The following ARMC9 variants were observed in gnomAD, a reference collection of about 807,000 sequenced individuals.
ARMC9 encodes lisH domain-containing protein ARMC9.
In ARMC9, 94 loss-of-function variants were observed where a neutral mutation model predicts 107.0. The observed-to-expected ratio is 0.88, with a 90% CI of 0.74 to 1.04. ARMC9 has a LOEUF of 1.04. Ranked by LOEUF, ARMC9 falls within the 50% of genes least tolerant of loss-of-function variation. The pLI, the probability that ARMC9 is intolerant of heterozygous loss-of-function variation, is 0.00. For synonymous variants in ARMC9, 380 were observed against 396.9 expected (o/e 0.96, Z 0.51); for missense variants, 942 against 1,030.1 (o/e 0.91, Z 1.17).
intron 19 of ARMC9, among the ~76,000 whole-genome samples, chr2:231,303,412 G>T (rs983989197): frequency 6.6e-6 from 1 of 152,168 alleles, no homozygotes; most frequent in Non-Finnish European, 1.5e-5. Flanking sequence ...AGTGGAGAGA[G>T]CAGGCATCTT....
At chr2:231,266,056 C>T (rs2038836181) in intron 12 of ARMC9, among the ~76,000 whole-genome samples, 1 of 151,812 alleles carries the variant, frequency 6.6e-6, no homozygotes, top group Non-Finnish European at 1.5e-5. Context: ...AGAGAATCTG[C>T]AGGGCAGAAA....
chr2:231,251,347 A>G lies in ARMC9; in HGVS notation c.880-5239A>G, dbSNP rs1574801451. Among the ~76,000 whole-genome samples, 8 of 151,510 alleles carry G rather than the reference A, an allele frequency of 5.3e-5. 3 individuals are homozygous for G. Among genetic ancestry groups the G allele is most frequent in the Admixed American group, 5.2e-4 (8 of 15,254 alleles). ...ACACCTGGCTAATTTTTGTATTTTT[A>G]GTAGAGATGGGGTTTCACCATATTC... is the stretch of plus-strand genomic sequence containing the variant. On this transcript the variant is annotated intron_variant, in intron 9 of 24. Transcript: ENST00000611582.
At chr2:231,231,415 G>A (rs2035202679) in intron 7 of ARMC9, among the ~76,000 whole-genome samples, 1 of 152,088 alleles carries the variant, frequency 6.6e-6, no homozygotes, top group African/African-American at 2.4e-5. Context: ...TTTTGAGACA[G>A]CGCTGTTGCC....
chr2:231,271,200 T>C, intron 13 of ARMC9, 128 bp downstream of exon 13: 1 of 846,244 alleles, frequency 1.2e-6, no homozygotes. Context: ...GTTTAATTCA[T>C]CTAAGGTCTT....
Position 231,297,438 on chromosome 2 carries a change from A to G in ARMC9, c.1773+1185A>G, listed in dbSNP as rs2041450213. Reference sequence around the variant, plus strand: ...TCGGCAGACACTTTGTGTAAAGGAAAAGATAGGAACTATTTTAGGGCTTGC... The same window carrying G: ...TCGGCAGACACTTTGTGTAAAGGAAGAGATAGGAACTATTTTAGGGCTTGC... On this transcript the variant is annotated intron_variant, in intron 19 of 24. Coordinates refer to ENST00000611582, the MANE Select transcript of ARMC9 (RefSeq NM_001352754.2). This position sits in a 1 kb window ranked among gnomAD's most constrained non-coding sequence, Gnocchi z 4.2. 6.6e-6 allele frequency among the ~76,000 whole-genome samples: 1 copy of G among 152,196 alleles called. No homozygotes were observed. The highest frequency in any genetic ancestry group is 1.5e-5 in the Non-Finnish European group (1 of 68,036).
rs888893150 is a variant in ARMC9 at position 231,258,912 on chromosome 2, G to A, written c.915-79G>A. The A allele has an allele frequency of 1.1e-5, 14 of 1,276,962 alleles. No homozygotes were observed. The Admixed American group carries it at 2.3e-4, about 21-fold the overall frequency. The allele number at this position is 1,276,962 out of a possible 1,614,324, so 79.1% of individuals were successfully genotyped here. On this transcript the variant is annotated intron_variant, in intron 10 of 24. Transcript: ENST00000611582. The stretch of plus-strand genomic sequence containing the variant: ...CATGGGAACAGCAGGCTCTAGCTTG[G>A]GTGTCATAATGCTCAGGAGGTGTAA...
At chr2:231,314,684 T>A (rs2042562295) in intron 19 of ARMC9, among the ~76,000 whole-genome samples, 1 of 152,222 alleles carries the variant, frequency 6.6e-6, no homozygotes, top group Non-Finnish European at 1.5e-5. Flanking sequence ...CGTTGCTAAA[T>A]GTCCCCTAGG....
At chr2:231,211,234 G>A (rs1254979385) in intron 3 of ARMC9, among the ~76,000 whole-genome samples, 1 of 151,812 alleles carries the variant, frequency 6.6e-6, no homozygotes, top group Non-Finnish European at 1.5e-5. Context: ...GAATAGTGCT[G>A]TTGGGGCTGG....
intron 17 of ARMC9, among the ~76,000 whole-genome samples, chr2:231,284,432 G>A (rs2040438537): frequency 6.6e-6 from 1 of 152,238 alleles, no homozygotes; most frequent in Admixed American, 6.5e-5. Flanking sequence ...CTAACTAAGA[G>A]TTGCTCAGTT....
intron 11 of ARMC9, among the ~76,000 whole-genome samples, chr2:231,259,599 G>C (rs751786943): frequency 6.6e-6 from 1 of 152,158 alleles, no homozygotes. Context: ...AAGCTTTTTC[G>C]TGTCAGACCC....
At chr2:231,227,812 A>G (rs1220047478) in intron 7 of ARMC9, among the ~76,000 whole-genome samples, 1 of 152,208 alleles carries the variant, frequency 6.6e-6, no homozygotes, top group Non-Finnish European at 1.5e-5. Flanking sequence ...TGCTCTTGGT[A>G]GCCTCAAGCA....
In ARMC9 at chr2:231,374,354, C is replaced by T. The variant is rs1203929222; in HGVS notation, c.*2819C>T. ...AGCCGCCCCTCTGGTTACCTCACATCTTCTGGTTTCTTCTGAGTGGGACTT... is the reference window on the plus strand; with the variant it reads ...AGCCGCCCCTCTGGTTACCTCACATTTTCTGGTTTCTTCTGAGTGGGACTT... On this transcript the variant is annotated 3_prime_UTR_variant, in exon 25 of 25. Coordinates refer to ENST00000611582, the MANE Select transcript of ARMC9 (RefSeq NM_001352754.2). 2.0e-5 allele frequency: 3 copies of T among 152,136 alleles called. No individual in the cohort carries two copies. Among genetic ancestry groups the T allele is most frequent in the Non-Finnish European group, 2.9e-5 (2 of 68,038 alleles). 9.4% of individuals were successfully genotyped at this position (152,136 alleles called of 1,614,324 possible). A position where few individuals can be genotyped will look rare whatever the true frequency, so the allele number is the denominator to read the frequency against.
chr2:231,355,801 G>A lies in ARMC9; in HGVS notation c.1998G>A (p.Val666=), dbSNP rs752789948. The change falls in exon 22 of 25, where the codon GTG becomes GTA. Residue 666 remains valine (V), a synonymous_variant. Coordinates refer to ENST00000611582, the MANE Select transcript of ARMC9 (RefSeq NM_001352754.2). ...CGTTTTTCATGTTTTTCTCCAGGGT[G>A]GAAGACCAACACACACCTCCCCAGA... ...PGGHRNGYPV[V]EDQHTPPQTA... The A allele has an allele frequency of 9.8e-6, 15 of 1,531,806 alleles. No homozygotes were observed. The South Asian group carries it at 1.8e-4, about 18-fold the overall frequency. The allele number at this position is 1,531,806 out of a possible 1,614,324, so 94.9% of individuals were successfully genotyped here.
In ARMC9 at chr2:231,360,221, A is replaced by G. The variant is rs2045512873; in HGVS notation, c.2132-533A>G. The stretch of plus-strand genomic sequence containing the variant: ...CCGGGTGGCCTGGTTCTGGGTGGGC[A>G]TCAGCTACAGCACAAGTCACTGGGA... On this transcript the variant is annotated intron_variant, in intron 22 of 24. Coordinates refer to ENST00000611582, the MANE Select transcript of ARMC9 (RefSeq NM_001352754.2). This position sits in a 1 kb window ranked among gnomAD's most constrained non-coding sequence, Gnocchi z 4.7. Among the ~76,000 whole-genome samples, 1 of 152,166 alleles carries G rather than the reference A, an allele frequency of 6.6e-6. No individual in the cohort carries two copies. The highest frequency in any genetic ancestry group is 1.5e-5 in the Non-Finnish European group (1 of 68,026).
intron 9 of ARMC9, among the ~76,000 whole-genome samples, chr2:231,254,440 C>T (rs534000560): frequency 9.2e-4 from 140 of 152,124 alleles, no homozygotes; most frequent in African/African-American, 2.9e-3. Flanking sequence ...TCCTTCAGTG[C>T]GGGGTGTCTG....
chr2:231,347,424 A>G (rs16827984), intron 21 of ARMC9, among the ~76,000 whole-genome samples: 12,215 of 151,824 alleles, frequency 0.08, 1,448 homozygotes, highest in African/African-American at 0.26. Flanking sequence ...GAGGTGGTCA[A>G]TGGAATGCAG....
chr2:231,295,218 T>A (rs1559420473), intron 18 of ARMC9: 1 of 152,226 alleles, frequency 6.6e-6, no homozygotes. Flanking sequence ...ATAAGAAAGA[T>A]GTAGTAGGGA....
At chr2:231,350,554 C>T (rs577764770) in intron 21 of ARMC9, among the ~76,000 whole-genome samples, 1 of 149,512 alleles carries the variant, frequency 6.7e-6, no homozygotes, top group South Asian at 2.1e-4. Flanking sequence ...TCCCAGAGGT[C>T]GTGGCTGCAG....
intron 9 of ARMC9, among the ~76,000 whole-genome samples, chr2:231,244,397 C>T (rs1220806003): frequency 7.0e-6 from 1 of 143,798 alleles, no homozygotes; most frequent in African/African-American, 2.6e-5. Context: ...GACAGGGTCT[C>T]GCTCTGTTAC....
Sources: gnomAD v4.1 joint callset for allele counts (sites outside exome capture counted in the v4.1 genomes callset) on GRCh38, gnomAD v4.1.1 for gene constraint, Gnocchi (gnomAD v3.1) non-coding constraint, MANE v1.5 for transcripts, NCBI Gene and HGNC (gene_info 2026-07-23, HGNC 2026-07-21) for gene names.